MGAT4C: variants seen among roughly 807,000 people sequenced by gnomAD.
The protein encoded by MGAT4C is MGAT4 family member C.
MGAT4C carries 19 observed loss-of-function variants against 40.1 expected under a neutral mutation model. The ratio of observed to expected loss-of-function variants is 0.47; its 90% CI spans 0.33 to 0.70. The LOEUF is 0.70. Ranked by LOEUF, MGAT4C falls within the 30% of genes least tolerant of loss-of-function variation. The pLI is 0.02. For missense variants in MGAT4C, 491 were observed against 563.2 expected (o/e 0.87, Z 1.30); for synonymous variants, 181 against 187.1 (o/e 0.97, Z 0.27).
At chr12:86,239,296 A>G (rs1951680961) in intron 1 of MGAT4C, among the ~76,000 whole-genome samples, 1 of 152,046 alleles carries the variant, frequency 6.6e-6, no homozygotes, top group Non-Finnish European at 1.5e-5. Context: ...AAGCTCGTGG[A>G]GGAAGGAACA....
intron 2 of MGAT4C, among the ~76,000 whole-genome samples, chr12:86,008,108 G>A (rs1238719567): frequency 6.6e-6 from 1 of 151,926 alleles, no homozygotes; most frequent in Non-Finnish European, 1.5e-5. Flanking sequence ...TACTATGGAA[G>A]TTTTATCATC....
At chr12:86,104,010 CAT>C (rs1017742006) in intron 1 of MGAT4C, among the ~76,000 whole-genome samples, 1 of 151,976 alleles carries the variant, frequency 6.6e-6, no homozygotes, top group Non-Finnish European at 1.5e-5. Context: ...AAAAAGTAAA[CAT>C]AGACATTTAA....
At chr12:86,098,485 C>T (rs745805441) in intron 1 of MGAT4C, among the ~76,000 whole-genome samples, 1 of 151,526 alleles carries the variant, frequency 6.6e-6, no homozygotes, top group Non-Finnish European at 1.5e-5. Context: ...ATATTGGCTT[C>T]TTTTTGTGCA....
At chr12:86,420,772 C>A (rs1229706907) in intron 3 of MGAT4C, among the ~76,000 whole-genome samples, 3 of 141,710 alleles carry the variant, frequency 2.1e-5, no homozygotes, top group East Asian at 4.0e-4. Flanking sequence ...AAATATTTAC[C>A]TGACATATAT....
chr12:86,118,447 G>A (rs1337093551), intron 1 of MGAT4C, among the ~76,000 whole-genome samples: 91 of 152,230 alleles, frequency 6.0e-4, no homozygotes, highest in Non-Finnish European at 1.0e-4. Context: ...GTAATGATGT[G>A]GACAACATGA....
intron 2 of MGAT4C, among the ~76,000 whole-genome samples, chr12:86,600,012 T>C (rs2136458257): frequency 6.6e-6 from 1 of 152,170 alleles, no homozygotes; most frequent in East Asian, 1.9e-4. Flanking sequence ...AGTAAACAAT[T>C]TCACAGGTGA....
chr12:86,570,458 A>AC (rs1478643466), intron 2 of MGAT4C, among the ~76,000 whole-genome samples: 1 of 152,094 alleles, frequency 6.6e-6, no homozygotes, highest in Non-Finnish European at 1.5e-5. Context: ...ATGAACATGG[A>AC]CCCCGACTCC....
intron 4 of MGAT4C, among the ~76,000 whole-genome samples, chr12:86,264,212 G>C (rs1043034188): frequency 3.9e-5 from 6 of 152,062 alleles, no homozygotes; most frequent in African/African-American, 1.4e-4. Context: ...TTTTTGTTGC[G>C]TGTACTTTTG....
chr12:86,806,853 T>A (rs2136210984), intron 1 of MGAT4C, among the ~76,000 whole-genome samples: 1 of 151,634 alleles, frequency 6.6e-6, no homozygotes, highest in Middle Eastern at 3.4e-3. Flanking sequence ...CTGGGGCCTG[T>A]TGTGGGGTGG....
intron 2 of MGAT4C, among the ~76,000 whole-genome samples, chr12:86,000,166 A>G (rs1887140742): frequency 6.6e-6 from 1 of 152,208 alleles, no homozygotes; most frequent in African/African-American, 2.4e-5. Context: ...TTTAAAAGAA[A>G]TTAGAAAAAA....
chr12:86,483,154 G>A (rs1957963662), intron 2 of MGAT4C, among the ~76,000 whole-genome samples: 1 of 152,126 alleles, frequency 6.6e-6, no homozygotes, highest in Admixed American at 6.6e-5. Flanking sequence ...GGGTGAAGGA[G>A]CTATCTGGGT....
chr12:86,532,501 A>C (rs1959001977), intron 2 of MGAT4C, among the ~76,000 whole-genome samples: 1 of 152,044 alleles, frequency 6.6e-6, no homozygotes, highest in East Asian at 1.9e-4. Context: ...GCATAAATTA[A>C]TGCAGGTCAA....
At position 86,045,437 on chromosome 12, in the gene MGAT4C, T is replaced by C. The variant is rs113159143; in HGVS notation, c.-7+4237A>G. Among the ~76,000 whole-genome samples, 649 of 152,328 alleles carry C rather than the reference T, an allele frequency of 4.3e-3. 5 individuals carry two copies. Among genetic ancestry groups the C allele is most frequent in the African/African-American group, 0.015 (622 of 41,568 alleles). ...TGACTCTAGACATTTGAGGAACATGTAACATCTGATCCAGAGGAAAGGGAG... is the reference window on the plus strand; with the variant it reads ...TGACTCTAGACATTTGAGGAACATGCAACATCTGATCCAGAGGAAAGGGAG... On this transcript the variant is annotated intron_variant, in intron 2 of 4. Transcript: ENST00000611864.
At chr12:86,436,807 T>C (rs543190846) in intron 2 of MGAT4C, among the ~76,000 whole-genome samples, 1 of 151,886 alleles carries the variant, frequency 6.6e-6, no homozygotes, top group East Asian at 1.9e-4. Flanking sequence ...CTGTGATACA[T>C]TGAGACCTTT....
chr12:86,449,317 T>C (rs1957387539), intron 2 of MGAT4C, among the ~76,000 whole-genome samples: 1 of 152,130 alleles, frequency 6.6e-6, no homozygotes, highest in Admixed American at 6.6e-5. Flanking sequence ...TTTAAAGAAG[T>C]TTTATTTAGA....
intron 2 of MGAT4C, among the ~76,000 whole-genome samples, chr12:86,685,232 C>T (rs1950052595): frequency 6.6e-6 from 1 of 152,084 alleles, no homozygotes; most frequent in Non-Finnish European, 1.5e-5. Context: ...AAGAAGGGGT[C>T]CAGGTTCAGA....
chr12:86,006,830 C>T (rs1887934642), intron 2 of MGAT4C, among the ~76,000 whole-genome samples: 1 of 152,188 alleles, frequency 6.6e-6, no homozygotes, highest in Non-Finnish European at 1.5e-5. Flanking sequence ...CATCCACTGA[C>T]TCACATCCTG....
chr12:86,130,418 C>T (rs1229233550), intron 1 of MGAT4C, among the ~76,000 whole-genome samples: 1 of 151,984 alleles, frequency 6.6e-6, no homozygotes, highest in East Asian at 1.9e-4. Flanking sequence ...TTTTGGAATT[C>T]TGATTTTTTA....
rs192127821 is a variant in MGAT4C at position 86,107,486 on chromosome 12, T to A, written c.-56-57763A>T. On this transcript the variant is annotated intron_variant, in intron 1 of 4. Coordinates refer to ENST00000611864, the MANE Select transcript of MGAT4C (RefSeq NM_001351288.2). ...TTTGAGCAAACAAAATATAACAGAA[T>A]AAAATATAAAACGTATATGCTCTGT... Among the ~76,000 whole-genome samples, 5 of 152,292 alleles carry A rather than the reference T, an allele frequency of 3.3e-5. No individual in the cohort carries two copies. In the East Asian group the frequency reaches 9.6e-4, roughly 29 times the overall value.
Sources: gnomAD v4.1 joint callset for allele counts (sites outside exome capture counted in the v4.1 genomes callset) on GRCh38, gnomAD v4.1.1 for gene constraint, MANE v1.5 for transcripts, NCBI Gene and HGNC (gene_info 2026-07-23, HGNC 2026-07-21) for gene names.